Variants in COCH observed in about 807,000 individuals in gnomAD.
COCH encodes coagulation factor C homolog, cochlin (Limulus polyphemus).
A neutral mutation model predicts 54.8 loss-of-function variants in COCH; 40 were observed. That is an observed-to-expected ratio of 0.73 (90% confidence interval 0.57 to 0.95). The LOEUF is 0.95. Among genes scored for constraint, COCH ranks in the 40% least tolerant of loss-of-function variants. The probability of loss-of-function intolerance (pLI) is 0.00; values close to 1 mark genes in which losing one functional copy is unlikely to be tolerated. For missense variants in COCH, 605 were observed against 675.0 expected (o/e 0.90, Z 1.15); for synonymous variants, 256 against 237.9 (o/e 1.08, Z -0.70).
intron 11 of COCH, among the ~76,000 whole-genome samples, chr14:30,887,978 C>T (rs1895848330): frequency 6.6e-6 from 1 of 152,150 alleles, no homozygotes; most frequent in African/African-American, 2.4e-5. Flanking sequence ...GGCTGGACTA[C>T]ACCAATATTG....
downstream of COCH, chr14:30,894,184 T>C (rs1343367955): frequency 6.6e-6 from 1 of 152,450 alleles, no homozygotes; most frequent in Non-Finnish European, 1.5e-5. Flanking sequence ...GATTTCTGTA[T>C]CCTGATTCAA....
chr14:30,879,449 A>G lies in COCH; in HGVS notation c.400A>G (p.Thr134Ala). Reference sequence around the variant, plus strand: ...AGGCAAAAGTAGTACACAGGAGGCCACAGGACAAGCAGTGTCCACAGCACA... The same window carrying G: ...AGGCAAAAGTAGTACACAGGAGGCCGCAGGACAAGCAGTGTCCACAGCACA... ...TKGKSSTQEA[T>A]GQAVSTAHPP... Residue 134 changes from threonine to alanine, a missense_variant, in exon 6 of 12, where the codon ACA becomes GCA. Thr to Ala is a moderately conservative substitution (Grantham distance 58). Transcript: ENST00000396618. The G allele has an allele frequency of 6.2e-7, 1 of 1,614,174 alleles. No homozygotes were observed. Among genetic ancestry groups the G allele is most frequent in the Non-Finnish European group, 8.5e-7 (1 of 1,179,994 alleles).
At chr14:30,889,575 A>G in intron 11 of COCH, 41 bp from the exon 12 acceptor site, 2 of 1,561,298 alleles carry the variant, frequency 1.3e-6, no homozygotes, top group Non-Finnish European at 1.8e-6. Context: ...TATATTAGCT[A>G]GACCTGATTT....
At position 30,886,018 on chromosome 14, in the gene COCH, A is replaced by G; in HGVS notation, c.1183A>G (p.Lys395Glu). 1 of 1,614,230 alleles carries G rather than the reference A, an allele frequency of 6.2e-7. No individual in the cohort carries two copies. The change falls in exon 11 of 12, where the codon AAG (lysine) becomes GAG (glutamate). Residue 395 changes from lysine to glutamate, a missense_variant. Lys to Glu is a moderately conservative substitution (Grantham distance 56). Coordinates refer to ENST00000396618, the MANE Select transcript of COCH (RefSeq NM_004086.3). ...GCTTGAATTTGTTTCCAACATAGCC[A>G]AGACTTTTGAAATCTCGGACATTGG... ...LMLEFVSNIA[K>E]TFEISDIGAK...
intron 1 of COCH, 37 bp downstream of exon 1, chr14:30,874,628 A>C: frequency 1.9e-6 from 1 of 520,858 alleles, no homozygotes. Flanking sequence ...GGTGCGAGGG[A>C]TCCCTGACGC....
chr14:30,892,008 T>C (rs1361166102), downstream of COCH, among the ~76,000 whole-genome samples: 1 of 152,208 alleles, frequency 6.6e-6, no homozygotes, highest in African/African-American at 2.4e-5. Context: ...ACAGGTAAGT[T>C]ACCTAGTTTG....
intron 3 of COCH, chr14:30,875,800 T>C (rs1413829847): frequency 6.5e-6 from 1 of 152,954 alleles, no homozygotes; most frequent in African/African-American, 2.4e-5. Context: ...TTTCTCCCGC[T>C]CTACTTAACA....
intron 3 of COCH, chr14:30,875,482 G>C (rs961104961): frequency 7.9e-5 from 41 of 519,620 alleles, no homozygotes; most frequent in Non-Finnish European, 1.2e-4. Context: ...GCTGCGTTTG[G>C]GGGTGGAGGA....
intron 8 of COCH, among the ~76,000 whole-genome samples, chr14:30,883,226 C>A (rs375454205): frequency 7.9e-5 from 12 of 152,204 alleles, no homozygotes; most frequent in African/African-American, 2.9e-4. Context: ...TTTTTTTCTA[C>A]GCTGCTTTGA....
chr14:30,891,114 C>CTGAT (rs1185254582), downstream of COCH, among the ~76,000 whole-genome samples: 1 of 152,208 alleles, frequency 6.6e-6, no homozygotes, highest in Non-Finnish European at 1.5e-5. Flanking sequence ...CAGCCACTAC[C>CTGAT]TGATTAAACA....
chr14:30,876,400 A>G (rs541815818), intron 3 of COCH: 17 of 152,324 alleles, frequency 1.1e-4, no homozygotes, highest in African/African-American at 4.1e-4. Flanking sequence ...GCTGCTTGAT[A>G]AATCTCACTG....
In COCH at chr14:30,889,833, CCA is replaced by C. The variant is rs773680146; in HGVS notation, c.*43_*44del. 1.3e-5 allele frequency: 20 copies of C among 1,592,994 alleles called. No individual in the cohort carries two copies. The highest frequency in any genetic ancestry group is 1.6e-5 in the Non-Finnish European group (19 of 1,166,874). On this transcript the variant is annotated 3_prime_UTR_variant, in exon 12 of 12. Coordinates refer to ENST00000396618, the MANE Select transcript of COCH (RefSeq NM_004086.3). ...ACTGAAAGAAAAAGTACAAGGGGAT[CCA>C]GTGTGTAAATTGTATTCTCATAATA... is the stretch of plus-strand genomic sequence containing the variant.
chr14:30,874,832 G>A, intron 1 of COCH, 84 bp from the exon 2 acceptor site: 1 of 1,322,894 alleles, frequency 7.6e-7, no homozygotes, highest in Admixed American at 1.7e-5. Flanking sequence ...CGCGCCCGGG[G>A]ATCCGAAGGG....
Position 30,889,626 on chromosome 14 carries a change from C to T in COCH, c.1488C>T (p.Ile496=), listed in dbSNP as rs1895913975. The change falls in exon 12 of 12, where the codon ATC becomes ATT. Residue 496 remains isoleucine (I), a synonymous_variant. Coordinates refer to ENST00000396618, the MANE Select transcript of COCH (RefSeq NM_004086.3). ...ATGTTTTCATTGTAGGAATCACTATCTTCTCTGTTGGTGTGGCTTGGGCAC... is the reference window on the plus strand; with the variant it reads ...ATGTTTTCATTGTAGGAATCACTATTTTCTCTGTTGGTGTGGCTTGGGCAC... ...AAAAHDAGIT[I]FSVGVAWAPL... The T allele has an allele frequency of 6.2e-7, 1 of 1,613,788 alleles. No individual in the cohort carries two copies. Among genetic ancestry groups the T allele is most frequent in the Admixed American group, 1.7e-5 (1 of 60,000 alleles).
chr14:30,875,203 C>T, intron 3 of COCH, 100 bp downstream of exon 3: 1 of 1,465,706 alleles, frequency 6.8e-7, no homozygotes, highest in Non-Finnish European at 9.2e-7. Flanking sequence ...TCAGCCCTAC[C>T]GCCTGAGGAG....
At position 30,877,019 on chromosome 14, in the gene COCH, A is replaced by ACTG. The variant is rs927747850; in HGVS notation, c.83-552_83-550dup. Among the ~76,000 whole-genome samples, 2 of 151,904 alleles carry ACTG rather than the reference A, an allele frequency of 1.3e-5. No individual in the cohort carries two copies. Among genetic ancestry groups the ACTG allele is most frequent in the African/African-American group, 4.8e-5 (2 of 41,340 alleles). On this transcript the variant is annotated intron_variant, in intron 3 of 11. Transcript: ENST00000396618. This position sits in a 1 kb window ranked among gnomAD's most constrained non-coding sequence, Gnocchi z 8.6. ...GATGAGGTCTTGCTATGTTGTCCAG[A>ACTG]CTGGTCTTGACCTCCTGGACTCAAG...
chr14:30,889,801 T>A lies in COCH; in HGVS notation c.*10T>A, dbSNP rs886050443. The A allele has an allele frequency of 6.2e-7, 1 of 1,607,456 alleles. No individual in the cohort carries two copies. The highest frequency in any genetic ancestry group is 1.7e-5 in the Admixed American group (1 of 59,750). On this transcript the variant is annotated 3_prime_UTR_variant, in exon 12 of 12. Transcript: ENST00000396618. ...AGAATCCCAGCAATAATGGTAACAT[T>A]TTGACAACTGAAAGAAAAAGTACAA...
intron 8 of COCH, among the ~76,000 whole-genome samples, chr14:30,881,231 GAAAA>G (rs915670940): frequency 7.2e-6 from 1 of 138,530 alleles, no homozygotes; most frequent in African/African-American, 2.7e-5. Flanking sequence ...AAAAAAAAAA[GAAAA>G]AAATCAAATG....
rs530125590 is a variant in COCH, at chr14:30,882,383, G to A, written c.629+1649G>A. ...GACCTCAGGTGATCCACCTGCCTCG[G>A]ACTCCCAAAGTGCTAGGATTACAGG... On this transcript the variant is annotated intron_variant, in intron 8 of 11. Transcript: ENST00000396618. 2.6e-5 allele frequency among the ~76,000 whole-genome samples: 4 copies of A among 151,828 alleles called. No individual in the cohort carries two copies. The East Asian group carries it at 7.7e-4, about 29-fold the overall frequency.
Sources: allele counts gnomAD v4.1 joint callset (sites outside exome capture counted in the v4.1 genomes callset), GRCh38; gene constraint gnomAD v4.1.1; non-coding constraint Gnocchi (gnomAD v3.1); transcripts MANE v1.5; gene names NCBI Gene and HGNC (gene_info 2026-07-23, HGNC 2026-07-21).